ENPP3: variants seen among roughly 807,000 people sequenced by gnomAD.
ENPP3 encodes the protein ectonucleotide pyrophosphatase/phosphodiesterase family member 3.
Under a neutral mutation model 117.8 loss-of-function variants are expected in ENPP3, and 104 were observed. The ratio of observed to expected loss-of-function variants is 0.88; its 90% CI spans 0.75 to 1.04. The LOEUF is 1.04. Among genes scored for constraint, ENPP3 ranks in the 50% least tolerant of loss-of-function variants. ENPP3 has a pLI of 0.00. For missense variants in ENPP3, 1,026 were observed against 1,051.9 expected (o/e 0.98, Z 0.34); for synonymous variants, 380 against 349.9 (o/e 1.09, Z -0.96).
In ENPP3 at chr6:131,671,261, T is replaced by G; in HGVS notation, c.576T>G (p.Ile192Met). 1 of 1,591,404 alleles carries G rather than the reference T, an allele frequency of 6.3e-7. No homozygotes were observed. The highest frequency in any genetic ancestry group is 8.6e-7 in the Non-Finnish European group (1 of 1,159,958). ...PNINKLKTCG[I>M]HSKYMRAMYP... The stretch of plus-strand genomic sequence containing the variant: ...ATTCTGTTGCAGAAACATGTGGAAT[T>G]CATTCAAAATACATGAGAGCTATGT... The change falls in exon 7 of 25, where the codon ATT becomes ATG. Residue 192 changes from isoleucine to methionine, a missense_variant. Coordinates refer to ENST00000357639, the MANE Select transcript of ENPP3 (RefSeq NM_005021.5).
intron 6 of ENPP3, among the ~76,000 whole-genome samples, chr6:131,662,132 A>G (rs549133367): frequency 6.6e-6 from 1 of 152,292 alleles, no homozygotes; most frequent in South Asian, 2.1e-4. Context: ...CCACTTTCTG[A>G]CATCATTTGT....
In ENPP3 at chr6:131,667,040, C is replaced by T. The variant is rs563185706; in HGVS notation, c.563-4208C>T. 1.2e-4 allele frequency among the ~76,000 whole-genome samples: 19 copies of T among 152,256 alleles called. No homozygotes were observed. The East Asian group carries it at 3.5e-3, about 28-fold the overall frequency. ...GGAAGCCAGCTCCTTGGGCAGTCACCAGAGAATTTGGATCATTAGATGTCT... is the reference window on the plus strand; with the variant it reads ...GGAAGCCAGCTCCTTGGGCAGTCACTAGAGAATTTGGATCATTAGATGTCT... On this transcript the variant is annotated intron_variant, in intron 6 of 24. Transcript: ENST00000357639.
chr6:131,718,811 A>G, intron 16 of ENPP3, 73 bp downstream of exon 16: 1 of 807,314 alleles, frequency 1.2e-6, no homozygotes, highest in African/African-American at 1.7e-5. Context: ...CAGGTTTGTT[A>G]CATAGGTAAA....
intron 2 of ENPP3, among the ~76,000 whole-genome samples, chr6:131,645,752 G>T (rs1046128770): frequency 6.6e-5 from 10 of 152,036 alleles, no homozygotes; most frequent in African/African-American, 2.2e-4. Context: ...ATCCAGAGTT[G>T]CTTTTAATAC....
At chr6:131,668,468 G>A (rs1778669736) in intron 6 of ENPP3, among the ~76,000 whole-genome samples, 1 of 152,000 alleles carries the variant, frequency 6.6e-6, no homozygotes, top group Non-Finnish European at 1.5e-5. Context: ...GTCCGCCTCA[G>A]CCTCCCAAAA....
intron 24 of ENPP3, among the ~76,000 whole-genome samples, chr6:131,743,087 A>G (rs534924715): frequency 1.3e-5 from 2 of 152,370 alleles, no homozygotes; most frequent in East Asian, 3.9e-4. Flanking sequence ...GAGATTGCAA[A>G]GTTAATAAGA....
intron 5 of ENPP3, among the ~76,000 whole-genome samples, chr6:131,655,268 A>G (rs1311191068): frequency 6.6e-6 from 1 of 152,232 alleles, no homozygotes; most frequent in African/African-American, 2.4e-5. Flanking sequence ...TAACATTCAT[A>G]TAGTTCTTAT....
At chr6:131,705,894 G>A (rs1272450195) in intron 15 of ENPP3, among the ~76,000 whole-genome samples, 1 of 134,128 alleles carries the variant, frequency 7.5e-6, no homozygotes, top group Non-Finnish European at 1.5e-5. Flanking sequence ...TAATATTGTA[G>A]CACAATGCAT....
chr6:131,663,290 T>C (rs1778542070), intron 6 of ENPP3, among the ~76,000 whole-genome samples: 1 of 151,914 alleles, frequency 6.6e-6, no homozygotes, highest in Non-Finnish European at 1.5e-5. Flanking sequence ...TTTATTATGT[T>C]GAAGTATTTT....
At chr6:131,638,860 G>A (rs1414898599) in intron 1 of ENPP3, among the ~76,000 whole-genome samples, 2 of 149,830 alleles carry the variant, frequency 1.3e-5, no homozygotes, top group African/African-American at 4.9e-5. Flanking sequence ...ACTGGGTCTC[G>A]CTATGTTGCC....
At chr6:131,696,717 G>T (rs1779414070) in intron 15 of ENPP3, among the ~76,000 whole-genome samples, 1 of 151,778 alleles carries the variant, frequency 6.6e-6, no homozygotes, top group Non-Finnish European at 1.5e-5. Flanking sequence ...ACACTGCCAG[G>T]CCGCGTCCTT....
At chr6:131,660,992 T>C (rs1250509324) in intron 6 of ENPP3, among the ~76,000 whole-genome samples, 1 of 152,236 alleles carries the variant, frequency 6.6e-6, no homozygotes, top group Non-Finnish European at 1.5e-5. Context: ...TATTAGCGTG[T>C]CTGTGACTAG....
chr6:131,702,294 G>A (rs1362774539), intron 15 of ENPP3, among the ~76,000 whole-genome samples: 10 of 150,348 alleles, frequency 6.7e-5, no homozygotes, highest in African/African-American at 1.0e-4. Context: ...CATACCATCA[G>A]CCAAATACAC....
chr6:131,718,556 TTGA>T (rs763735725), intron 15 of ENPP3, 113 bp from the exon 16 acceptor site: 8 of 458,016 alleles, frequency 1.7e-5, no homozygotes, highest in Non-Finnish European at 3.1e-5. Flanking sequence ...TATTCTGTTG[TTGA>T]TAAAAAAATT....
intron 5 of ENPP3, among the ~76,000 whole-genome samples, chr6:131,657,439 G>A (rs529763719): frequency 3.4e-4 from 52 of 152,190 alleles, no homozygotes; most frequent in Non-Finnish European, 6.0e-4. Context: ...GTCTTAGGTC[G>A]GAAACCTAAT....
intron 14 of ENPP3, among the ~76,000 whole-genome samples, chr6:131,691,053 A>C (rs1779266469): frequency 6.6e-6 from 1 of 152,104 alleles, no homozygotes; most frequent in African/African-American, 2.4e-5. Context: ...AATCCATTGC[A>C]TGGCATCACA....
intron 7 of ENPP3, among the ~76,000 whole-genome samples, chr6:131,672,666 T>C (rs987595437): frequency 4.6e-5 from 7 of 151,674 alleles, no homozygotes; most frequent in Non-Finnish European, 8.8e-5. Flanking sequence ...TAATTGACTA[T>C]ATATACATAA....
intron 20 of ENPP3, among the ~76,000 whole-genome samples, chr6:131,732,368 T>C (rs1372926922): frequency 6.6e-6 from 1 of 152,210 alleles, no homozygotes; most frequent in African/African-American, 2.4e-5. Flanking sequence ...GGATGTCCTC[T>C]TGGTAAATAA....
At chr6:131,675,230 A>G (rs747332855) in intron 9 of ENPP3, 41 bp downstream of exon 9, 8 of 1,217,744 alleles carry the variant, frequency 6.6e-6, no homozygotes, top group Admixed American at 1.7e-5. Flanking sequence ...CTAGGCAGAA[A>G]TGATCAAGAT....
Sources: allele counts gnomAD v4.1 joint callset (sites outside exome capture counted in the v4.1 genomes callset), GRCh38; gene constraint gnomAD v4.1.1; transcripts MANE v1.5; gene names NCBI Gene and HGNC (gene_info 2026-07-23, HGNC 2026-07-21).